HCN4: variants seen among roughly 807,000 people sequenced by gnomAD.
HCN4 encodes the protein potassium/sodium hyperpolarization-activated cyclic nucleotide-gated channel 4.
A neutral mutation model predicts 76.9 loss-of-function variants in HCN4; 29 were observed. The observed-to-expected ratio is 0.38, with a 90% CI of 0.28 to 0.51. The LOEUF (loss-of-function observed/expected upper bound fraction) is 0.51, where lower values mean the gene tolerates loss of function less well. Among genes scored for constraint, HCN4 ranks in the 20% least tolerant of loss-of-function variants. The pLI is 0.90. For synonymous variants in HCN4, 772 were observed against 762.5 expected (o/e 1.01, Z -0.21); for missense variants, 1,416 against 1,715.2 (o/e 0.83, Z 3.08).
At position 73,351,911 on chromosome 15, in the gene HCN4, C is replaced by T. The variant is rs750908959; in HGVS notation, c.786-8103G>A. The stretch of plus-strand genomic sequence containing the variant: ...CCCCAACGCATGGTGCTTTCTTTGC[C>T]TCTGGGCTTTCCCACATGCTGTCAT... On this transcript the variant is annotated intron_variant, in intron 1 of 7. Transcript: ENST00000261917. Among the ~76,000 whole-genome samples, 7 of 152,152 alleles carry T rather than the reference C, an allele frequency of 4.6e-5. 1 individual carries two copies. Among genetic ancestry groups the T allele is most frequent in the Non-Finnish European group, 7.3e-5 (5 of 68,034 alleles).
In HCN4 at chr15:73,325,140, T is replaced by C. The variant is rs748914461; in HGVS notation, c.1793A>G (p.Asn598Ser). 12 of 1,614,080 alleles carry C rather than the reference T, an allele frequency of 7.4e-6. No individual in the cohort carries two copies. The highest frequency in any genetic ancestry group is 3.3e-5 in the South Asian group (3 of 91,086). Residue 598 changes from asparagine to serine, a missense_variant, in exon 6 of 8, where the codon AAT (asparagine) becomes AGT (serine). Transcript: ENST00000261917. This position sits in a 1 kb window ranked among gnomAD's most constrained non-coding sequence, Gnocchi z 7.4. ...KLVASMPLFA[N>S]ADPNFVTSML... ...GGACGTCACGAAGTTGGGGTCCGCA[T>C]TGGCAAACAGTGGCATGGAGGCCAC... is the stretch of plus-strand genomic sequence containing the variant.
chr15:73,326,296 C>T (rs1298006009), intron 4 of HCN4, among the ~76,000 whole-genome samples: 2 of 152,204 alleles, frequency 1.3e-5, no homozygotes, highest in Non-Finnish European at 2.9e-5. Flanking sequence ...AGCCTGTTTG[C>T]ATCTATGTGT....
chr15:73,345,094 G>A (rs543471465), intron 1 of HCN4, among the ~76,000 whole-genome samples: 1 of 152,236 alleles, frequency 6.6e-6, no homozygotes, highest in Non-Finnish European at 1.5e-5. Flanking sequence ...AAAGAGATAA[G>A]CTTTCCTCGA....
At chr15:73,324,895 C>G (rs1309322138) in intron 6 of HCN4, 60 bp downstream of exon 6, 3 of 1,606,228 alleles carry the variant, frequency 1.9e-6, no homozygotes, top group Non-Finnish European at 2.5e-6. Context: ...CCCTCGGTAT[C>G]TCCCCAAACC....
intron 6 of HCN4, 32 bp from the exon 7 acceptor site, chr15:73,324,285 T>C (rs1404802209): frequency 1.2e-6 from 2 of 1,611,050 alleles, no homozygotes; most frequent in South Asian, 1.1e-5. Context: ...GGATGAGGCA[T>C]GCACAGCCTG....
chr15:73,329,598 G>A lies in HCN4; in HGVS notation c.1565C>T (p.Ser522Phe). ...HATALIQSLD[S>F]SRRQYQEKYK... ...CTTTTCCTGGTACTGGCGCCGGGAG[G>A]AGTCCAGGGACTGGATGAGGGCAGT... Residue 522 changes from serine (S) to phenylalanine (F), a missense_variant, in exon 4 of 8, where the codon TCC becomes TTC. Physicochemically the swap from Ser to Phe is radical, Grantham distance 155. Around this residue, in one of 6 missense-constraint regions of HCN4, gnomAD observed 241 missense variants for 379.4 expected, o/e 0.64. Coordinates refer to ENST00000261917, the MANE Select transcript of HCN4 (RefSeq NM_005477.3). The A allele has an allele frequency of 6.2e-7, 1 of 1,614,132 alleles. No individual in the cohort carries two copies. The highest frequency in any genetic ancestry group is 8.5e-7 in the Non-Finnish European group (1 of 1,179,986).
At position 73,328,995 on chromosome 15, in the gene HCN4, C is replaced by A. The variant is rs1567774250; in HGVS notation, c.1590+578G>T. On this transcript the variant is annotated intron_variant, in intron 4 of 7. Transcript: ENST00000261917. This position sits in a 1 kb window ranked among gnomAD's most constrained non-coding sequence, Gnocchi z 4.0. The stretch of plus-strand genomic sequence containing the variant: ...GAGGGATGAAATAAACCACCTGGAG[C>A]TGAGAGATGAGGTGGGGCTGCTGAT... 1.3e-5 allele frequency among the ~76,000 whole-genome samples: 2 copies of A among 152,128 alleles called. No individual in the cohort carries two copies. The highest frequency in any genetic ancestry group is 2.9e-5 in the Non-Finnish European group (2 of 68,006).
intron 6 of HCN4, 25 bp downstream of exon 6, chr15:73,324,930 C>A: frequency 6.2e-7 from 1 of 1,613,136 alleles, no homozygotes; most frequent in Non-Finnish European, 8.5e-7. Context: ...GCTGCCCTGT[C>A]CCCCAGGGCC....
Position 73,323,433 on chromosome 15 carries a change from C to T in HCN4, c.2660G>A (p.Cys887Tyr), listed in dbSNP as rs758105507. The T allele has an allele frequency of 1.2e-6, 2 of 1,608,634 alleles. No homozygotes were observed. Among genetic ancestry groups the T allele is most frequent in the South Asian group, 2.2e-5 (2 of 90,860 alleles). The change falls in exon 8 of 8, where the codon TGT becomes TAT. Residue 887 changes from cysteine (C) to tyrosine (Y), a missense_variant. Physicochemically the swap from Cys to Tyr is radical, Grantham distance 194. This residue lies in a region of HCN4 where 633 missense variants were observed against 579.8 expected (regional missense o/e 1.09). Transcript: ENST00000261917. ...SSSSSPPPGACGSPSAPTPSA... is the reference protein window; with the variant it reads ...SSSSSPPPGAYGSPSAPTPSA... Reference sequence around the variant, plus strand: ...TGGTGTGGGAGCCGAGGGGGAGCCACAGGCCCCGGGGGGTGGGGAGGAGCT... The same window carrying T: ...TGGTGTGGGAGCCGAGGGGGAGCCATAGGCCCCGGGGGGTGGGGAGGAGCT...
rs890395300 is a variant in HCN4, at chr15:73,323,062, A to G, written c.3031T>C (p.Ser1011Pro). The change falls in exon 8 of 8, where the codon TCT (serine) becomes CCT (proline). Residue 1011 changes from serine to proline, a missense_variant. Physicochemically the swap from Ser to Pro is moderately conservative, Grantham distance 74 (BLOSUM62 -1). Around this residue, in one of 6 missense-constraint regions of HCN4, gnomAD observed 633 missense variants for 579.8 expected, o/e 1.09. Coordinates refer to ENST00000261917, the MANE Select transcript of HCN4 (RefSeq NM_005477.3). ...AAGCCTACAGGGGAAGCCCCCCCAG[A>G]GGCCCCTGCCACAAGGGACGGCGGC... Reference protein sequence around the residue: ...PEPPSLVAGASGGASPVGFTP... With the variant: ...PEPPSLVAGAPGGASPVGFTP... 20 of 1,538,884 alleles carry G rather than the reference A, an allele frequency of 1.3e-5. No individual in the cohort carries two copies. Among genetic ancestry groups the G allele is most frequent in the Non-Finnish European group, 1.7e-5 (19 of 1,148,752 alleles).
intron 2 of HCN4, among the ~76,000 whole-genome samples, chr15:73,336,288 G>C (rs955552280): frequency 3.3e-5 from 5 of 152,096 alleles, no homozygotes; most frequent in Admixed American, 6.5e-5. Flanking sequence ...CAAAGTCTAG[G>C]GCATCTCTGG....
At chr15:73,335,034 G>A (rs1010342088) in intron 2 of HCN4, among the ~76,000 whole-genome samples, 31 of 152,006 alleles carry the variant, frequency 2.0e-4, no homozygotes, top group African/African-American at 7.0e-4. Flanking sequence ...GGGAGAAGGC[G>A]GCCGTCTACA....
At chr15:73,342,539 C>A (rs1451697562) in intron 2 of HCN4, among the ~76,000 whole-genome samples, 2 of 152,194 alleles carry the variant, frequency 1.3e-5, no homozygotes, top group Non-Finnish European at 2.9e-5. Context: ...CTGACTGGGA[C>A]AACTCCAAGG....
At chr15:73,354,394 C>T (rs2043068616) in intron 1 of HCN4, among the ~76,000 whole-genome samples, 1 of 152,196 alleles carries the variant, frequency 6.6e-6, no homozygotes, top group Non-Finnish European at 1.5e-5. Flanking sequence ...TTCAGCCATA[C>T]AGCACGGCGC....
At chr15:73,345,977 A>G (rs770579409) in intron 1 of HCN4, among the ~76,000 whole-genome samples, 1 of 152,234 alleles carries the variant, frequency 6.6e-6, no homozygotes, top group Non-Finnish European at 1.5e-5. Context: ...AATTTGAGAG[A>G]GTAATTAACA....
chr15:73,341,434 G>A (rs1016796474), intron 2 of HCN4, among the ~76,000 whole-genome samples: 24 of 152,200 alleles, frequency 1.6e-4, no homozygotes, highest in African/African-American at 5.5e-4. Context: ...GAGCCACCGC[G>A]CCCGGCCAGG....
chr15:73,323,395 C>T lies in HCN4; in HGVS notation c.2698G>A (p.Ala900Thr), dbSNP rs2042876627. 1.9e-6 allele frequency: 3 copies of T among 1,593,680 alleles called. No homozygotes were observed. Among genetic ancestry groups the T allele is most frequent in the East Asian group, 2.3e-5 (1 of 43,920 alleles). The change falls in exon 8 of 8, where the codon GCC (alanine) becomes ACC (threonine). Residue 900 changes from alanine to threonine, a missense_variant. Transcript: ENST00000261917. ...PSAPTPSAGVAATTIAGFGHF... is the reference protein window; with the variant it reads ...PSAPTPSAGVTATTIAGFGHF... ...CCAAACCCGGCTATGGTGGTGGCGG[C>T]TACGCCAGCTGATGGTGTGGGAGCC...
chr15:73,330,749 G>A (rs888267782), intron 3 of HCN4, among the ~76,000 whole-genome samples: 2 of 152,218 alleles, frequency 1.3e-5, no homozygotes, highest in African/African-American at 4.8e-5. Context: ...TTCAAGGTCA[G>A]CCAGACTGCC....
In HCN4 at chr15:73,342,011, C is replaced by T. The variant is rs572151756; in HGVS notation, c.1209+1374G>A. ...TCAGCCACGCGGCACAGGGATGGAG[C>T]GGGAAATGGCCCTCCATGGAAGCTT... is the stretch of plus-strand genomic sequence containing the variant. On this transcript the variant is annotated intron_variant, in intron 2 of 7. Transcript: ENST00000261917. Among the ~76,000 whole-genome samples, 338 of 152,284 alleles carry T rather than the reference C, an allele frequency of 2.2e-3. 2 individuals carry two copies. Among genetic ancestry groups the T allele is most frequent in the Admixed American group, 5.2e-3 (79 of 15,306 alleles).
Sources: allele counts gnomAD v4.1 joint callset (sites outside exome capture counted in the v4.1 genomes callset), GRCh38; gene constraint gnomAD v4.1.1; regional missense constraint gnomAD v4.1.1; non-coding constraint Gnocchi (gnomAD v3.1); transcripts MANE v1.5; gene names NCBI Gene and HGNC (gene_info 2026-07-23, HGNC 2026-07-21).